NKTR: variants seen among roughly 807,000 people sequenced by gnomAD.
The protein encoded by NKTR is natural killer cell triggering receptor.
In NKTR, 67 loss-of-function variants were observed where a neutral mutation model predicts 156.3. The ratio of observed to expected loss-of-function variants is 0.43; its 90% CI spans 0.35 to 0.53. The LOEUF (loss-of-function observed/expected upper bound fraction) is 0.53, where lower values mean the gene tolerates loss of function less well. Ranked by LOEUF, NKTR falls within the 20% of genes least tolerant of loss-of-function variation. The probability of loss-of-function intolerance (pLI) is 0.01; values close to 1 mark genes in which losing one functional copy is unlikely to be tolerated. For missense variants in NKTR, 1,604 were observed against 1,730.9 expected, an observed-to-expected ratio of 0.93 and a Z score of 1.30; for synonymous variants, 640 against 596.6, an observed-to-expected ratio of 1.07 and a Z score of -1.06.
intron 13 of NKTR, among the ~76,000 whole-genome samples, chr3:42,641,843 A>C (rs1290482766): frequency 6.7e-6 from 1 of 149,140 alleles, no homozygotes; most frequent in Non-Finnish European, 1.5e-5. Context: ...GCGCCACTGC[A>C]CTCCAGCCTG....
chr3:42,615,852 C>G (rs1057118675), intron 2 of NKTR, among the ~76,000 whole-genome samples: 1 of 152,042 alleles, frequency 6.6e-6, no homozygotes, highest in Non-Finnish European at 1.5e-5. Flanking sequence ...GTTACTATTA[C>G]TGATATTATA....
intron 2 of NKTR, among the ~76,000 whole-genome samples, chr3:42,606,327 A>G (rs955654985): frequency 5.3e-5 from 8 of 152,202 alleles, no homozygotes; most frequent in South Asian, 2.1e-4. Flanking sequence ...TTAAAATTCT[A>G]TCACTGTTCT....
intron 2 of NKTR, among the ~76,000 whole-genome samples, chr3:42,609,484 C>G (rs1175660377): frequency 6.6e-6 from 1 of 152,168 alleles, no homozygotes; most frequent in Non-Finnish European, 1.5e-5. Flanking sequence ...ATAAATATGG[C>G]AAAACATCTT....
intron 4 of NKTR, 108 bp downstream of exon 4, chr3:42,619,235 G>T: frequency 6.6e-7 from 1 of 1,526,570 alleles, no homozygotes; most frequent in Non-Finnish European, 8.7e-7. Flanking sequence ...GATATAAAAT[G>T]TGGTCAGTGA....
In NKTR at chr3:42,636,868, G is replaced by A. The variant is rs554307651; in HGVS notation, c.1164G>A (p.Lys388=). Residue 388 remains lysine, a splice_region_variant and synonymous_variant, in exon 13 of 17, where the codon AAG becomes AAA. Transcript: ENST00000232978. ...PSGEKWSKGD[K]LSDPCSSRWD... ...CATGAATATTATGTCCTTTCTATAGGTTAAGTGACCCCTGTTCAAGCCGAT... is the reference window on the plus strand; with the variant it reads ...CATGAATATTATGTCCTTTCTATAGATTAAGTGACCCCTGTTCAAGCCGAT... The A allele has an allele frequency of 7.8e-5, 122 of 1,556,638 alleles. 2 individuals are homozygous for A. The Middle Eastern group carries it at 1.9e-3, about 24-fold the overall frequency.
rs1706930558 is a variant in NKTR, at chr3:42,612,476, G to A, written c.59-5094G>A. On this transcript the variant is annotated intron_variant, in intron 2 of 16. Transcript: ENST00000232978. ...TTTAAAACCATAATTAACACTGTTT[G>A]CATTGTCATACCTGGCAGCTCTAAC... 3 of 152,178 alleles carry A rather than the reference G, an allele frequency of 2.0e-5. No homozygotes were observed. In the South Asian group the frequency reaches 6.2e-4, roughly 32 times the overall value. The allele number at this position is 152,178 out of a possible 1,614,324, so 9.4% of individuals were successfully genotyped here.
chr3:42,637,696 C>T lies in NKTR; in HGVS notation c.1992C>T (p.Tyr664=). 1 of 1,613,958 alleles carries T rather than the reference C, an allele frequency of 6.2e-7. No homozygotes were observed. The highest frequency in any genetic ancestry group is 8.5e-7 in the Non-Finnish European group (1 of 1,179,980). The change falls in exon 13 of 17, where the codon TAC becomes TAT. Residue 664 remains tyrosine, a synonymous_variant. Transcript: ENST00000232978. ...NIKETGSSSS[Y]HKREKNSESD... is the part of the protein sequence containing the mutation. ...AAGAGACTGGTAGCTCATCATCCTA[C>T]CATAAAAGAGAAAAAAATTCGGAAA... is the stretch of plus-strand genomic sequence containing the variant.
intron 2 of NKTR, chr3:42,603,063 A>G (rs1318193378): frequency 1.3e-5 from 2 of 152,126 alleles, no homozygotes; most frequent in East Asian, 3.9e-4. Context: ...AAAATAGTAG[A>G]TTGCTGAAGA....
intron 2 of NKTR, among the ~76,000 whole-genome samples, chr3:42,607,656 G>T (rs1321275346): frequency 6.6e-6 from 1 of 152,188 alleles, no homozygotes; most frequent in East Asian, 1.9e-4. Flanking sequence ...ATGCTAATCA[G>T]TTGAGGATTG....
At chr3:42,603,693 C>G (rs1705853778) in intron 2 of NKTR, among the ~76,000 whole-genome samples, 1 of 146,990 alleles carries the variant, frequency 6.8e-6, no homozygotes, top group Admixed American at 6.8e-5. Flanking sequence ...ATAACTAGCA[C>G]TTTTTGAGTA....
At chr3:42,632,846 C>T (rs376447120) in intron 9 of NKTR, 23 bp downstream of exon 9, 38 of 1,503,646 alleles carry the variant, frequency 2.5e-5, no homozygotes, top group Non-Finnish European at 3.1e-5. Context: ...CACCAATGTA[C>T]TCTTACCTAA....
chr3:42,605,872 G>A (rs1706184344), intron 2 of NKTR, among the ~76,000 whole-genome samples: 1 of 152,162 alleles, frequency 6.6e-6, no homozygotes, highest in Admixed American at 6.5e-5. Flanking sequence ...TTGTTGAGAA[G>A]AGTAATTAAA....
intron 2 of NKTR, chr3:42,602,913 C>T (rs1705695796): frequency 6.7e-6 from 1 of 150,338 alleles, no homozygotes; most frequent in Admixed American, 6.6e-5. Context: ...GTAGTCCCAG[C>T]TATTTGGGAG....
In NKTR at chr3:42,604,659, C is replaced by CTTTTTT. The variant is rs71072726; in HGVS notation, c.58+3629_58+3634dup. Among the ~76,000 whole-genome samples the CTTTTTT allele has an allele frequency of 2.1e-3, 94 of 45,294 alleles. 24 individuals are homozygous for CTTTTTT. The highest frequency in any genetic ancestry group is 2.5e-3 in the Non-Finnish European group (63 of 25,130). 29.7% of individuals were successfully genotyped at this position (45,294 alleles called of 152,430 possible). On this transcript the variant is annotated intron_variant, in intron 2 of 16. Coordinates refer to ENST00000232978, the MANE Select transcript of NKTR (RefSeq NM_005385.4). ...AATTGTGGATTTATCTATTTCTCTC[C>CTTTTTT]TTTTTTTTTTTTTTTTTTTTTTTTT...
chr3:42,638,581 C>T lies in NKTR; in HGVS notation c.2877C>T (p.Asp959=). The T allele has an allele frequency of 6.2e-7, 1 of 1,614,056 alleles. No homozygotes were observed. Among genetic ancestry groups the T allele is most frequent in the African/African-American group, 1.3e-5 (1 of 75,026 alleles). ...KSSKQRTSTS[D]SEGSCSNSEN... is the part of the protein sequence containing the mutation. ...GCAAACAGCGCACATCAACTTCTGA[C>T]TCTGAGGGGTCCTGTTCCAATTCGG... The change falls in exon 13 of 17, where the codon GAC becomes GAT. Residue 959 remains aspartate, a synonymous_variant. Transcript: ENST00000232978.
rs1170861535 is a variant in NKTR, at chr3:42,637,916, T to G, written c.2212T>G (p.Cys738Gly). The change falls in exon 13 of 17, where the codon TGT (cysteine) becomes GGT (glycine). Residue 738 changes from cysteine (C) to glycine (G), a missense_variant. Transcript: ENST00000232978. Reference protein sequence around the residue: ...SRNKYSDHSQCSRSSSYTSIS... With the variant: ...SRNKYSDHSQGSRSSSYTSIS... ...AAATAAATACAGTGATCATTCACAG[T>G]GTAGTAGATCATCTTCATATACTTC... 3 of 1,614,054 alleles carry G rather than the reference T, an allele frequency of 1.9e-6. No individual in the cohort carries two copies. In the South Asian group the frequency reaches 3.3e-5, roughly 18 times the overall value.
intron 10 of NKTR, among the ~76,000 whole-genome samples, chr3:42,634,273 T>G (rs1166134214): frequency 1.3e-5 from 2 of 152,220 alleles, no homozygotes; most frequent in Non-Finnish European, 2.9e-5. Flanking sequence ...AAAATAGTAT[T>G]TAATGTATTT....
At chr3:42,634,382 T>C (rs1483865038) in intron 10 of NKTR, among the ~76,000 whole-genome samples, 1 of 152,234 alleles carries the variant, frequency 6.6e-6, no homozygotes, top group Non-Finnish European at 1.5e-5. Context: ...TATGAAGAGT[T>C]ATTTTGAAAG....
chr3:42,607,483 G>A (rs1033766443), intron 2 of NKTR, among the ~76,000 whole-genome samples: 2 of 151,696 alleles, frequency 1.3e-5, no homozygotes, highest in Admixed American at 6.6e-5. Flanking sequence ...TAATGGGTCC[G>A]ACTGACATGC....
Sources: gnomAD v4.1 joint callset for allele counts (sites outside exome capture counted in the v4.1 genomes callset) on GRCh38, gnomAD v4.1.1 for gene constraint, MANE v1.5 for transcripts, NCBI Gene and HGNC (gene_info 2026-07-23, HGNC 2026-07-21) for gene names.